PLAAT5: variants seen among roughly 807,000 people sequenced by gnomAD.
PLAAT5 encodes Ca(2+)-independent N-acyltransferase.
A neutral mutation model predicts 27.8 loss-of-function variants in PLAAT5; 27 were observed. The observed-to-expected ratio is 0.97, with a 90% CI of 0.72 to 1.34. PLAAT5 has a LOEUF of 1.34. PLAAT5 is among the 40% of genes most tolerant of loss of function. PLAAT5 has a pLI of 0.00. For missense variants in PLAAT5, 368 were observed against 343.8 expected, an observed-to-expected ratio of 1.07 and a Z score of -0.56; for synonymous variants, 125 against 136.1, an observed-to-expected ratio of 0.92 and a Z score of 0.57.
chr11:63,480,827 C>T (rs1327619772), intron 3 of PLAAT5, among the ~76,000 whole-genome samples: 2 of 152,178 alleles, frequency 1.3e-5, no homozygotes, highest in Non-Finnish European at 2.9e-5. Flanking sequence ...TGTCTGTATG[C>T]TACAGAGCCG....
chr11:63,466,056 C>G, intron 5 of PLAAT5, 54 bp downstream of exon 5: 1 of 1,568,812 alleles, frequency 6.4e-7, no homozygotes, highest in Non-Finnish European at 8.7e-7. Context: ...AATGAAATGA[C>G]AAACCCCAAG....
rs1342756277 is a variant in PLAAT5, at chr11:63,461,793, C to A, written c.*1710G>T. ...AACTCAGAACTCCTCACATCCAGCCCCCAGACTACCGCTCATGGGCTCAGG... is the reference window on the plus strand; with the variant it reads ...AACTCAGAACTCCTCACATCCAGCCACCAGACTACCGCTCATGGGCTCAGG... On this transcript the variant is annotated 3_prime_UTR_variant, in exon 6 of 6. Coordinates refer to ENST00000540857, the MANE Select transcript of PLAAT5 (RefSeq NM_001146729.2). The A allele has an allele frequency of 2.0e-5, 3 of 152,174 alleles. No homozygotes were observed. Among genetic ancestry groups the A allele is most frequent in the Non-Finnish European group, 4.4e-5 (3 of 68,046 alleles). The allele number at this position is 152,174 out of a possible 1,614,324, so 9.4% of individuals were successfully genotyped here.
At chr11:63,475,161 A>G (rs980024864) in intron 3 of PLAAT5, among the ~76,000 whole-genome samples, 1 of 151,958 alleles carries the variant, frequency 6.6e-6, no homozygotes, top group Non-Finnish European at 1.5e-5. Flanking sequence ...TGTCAGTTAG[A>G]TCATGTCAGT....
At chr11:63,484,545 C>T (rs1275183262) in intron 3 of PLAAT5, among the ~76,000 whole-genome samples, 1 of 152,006 alleles carries the variant, frequency 6.6e-6, no homozygotes, top group African/African-American at 2.4e-5. Context: ...ACAAAAATCA[C>T]ATGATTATCT....
chr11:63,479,725 ACTAT>A (rs931707150), intron 3 of PLAAT5, among the ~76,000 whole-genome samples: 1 of 152,206 alleles, frequency 6.6e-6, no homozygotes, highest in African/African-American at 2.4e-5. Flanking sequence ...AAGGACCATT[ACTAT>A]CTAAGTCCTG....
At chr11:63,488,693 C>G (rs2120351122) in intron 3 of PLAAT5, among the ~76,000 whole-genome samples, 178 bp downstream of exon 3, 1 of 149,500 alleles carries the variant, frequency 6.7e-6, no homozygotes, top group Admixed American at 6.6e-5. Context: ...TTTTTTTAAG[C>G]TCAACAGCTA....
intron 3 of PLAAT5, among the ~76,000 whole-genome samples, chr11:63,485,922 T>G (rs147619488): frequency 6.6e-6 from 1 of 151,466 alleles, no homozygotes; most frequent in East Asian, 1.9e-4. Flanking sequence ...ATCAAGCAAA[T>G]AAATCAGCAA....
chr11:63,466,630 G>T (rs1422143783), intron 4 of PLAAT5, among the ~76,000 whole-genome samples: 1 of 152,168 alleles, frequency 6.6e-6, no homozygotes, highest in Non-Finnish European at 1.5e-5. Flanking sequence ...ACCTTCCCAT[G>T]TGGTCCCAGA....
In PLAAT5 at chr11:63,491,126, C is replaced by G. The variant is rs551088577; in HGVS notation, c.-92G>C. ...CGGCGCGGCCCCTGGTCGGCGGAGCCGCGGAAGCTTGGGCACTGGGGGCGG... is the reference window on the plus strand; with the variant it reads ...CGGCGCGGCCCCTGGTCGGCGGAGCGGCGGAAGCTTGGGCACTGGGGGCGG... On this transcript the variant is annotated 5_prime_UTR_variant, in exon 1 of 6. Transcript: ENST00000540857. 8 of 1,184,246 alleles carry G rather than the reference C, an allele frequency of 6.8e-6. No homozygotes were observed. The Admixed American group carries it at 3.2e-4, about 47-fold the overall frequency. The allele number at this position is 1,184,246 out of a possible 1,614,324, so 73.4% of individuals were successfully genotyped here.
chr11:63,476,357 ACC>A, intron 3 of PLAAT5, among the ~76,000 whole-genome samples: 1 of 152,180 alleles, frequency 6.6e-6, no homozygotes, highest in Admixed American at 6.5e-5. Context: ...CTTTCTTTCC[ACC>A]CAAAGAATTT....
At chr11:63,467,924 C>T (rs1481014704) in intron 4 of PLAAT5, among the ~76,000 whole-genome samples, 2 of 152,298 alleles carry the variant, frequency 1.3e-5, no homozygotes, top group South Asian at 4.1e-4. Context: ...AAGGTGAGGA[C>T]GAAGGTGCCA....
At chr11:63,472,949 C>CAA (rs746217655) in intron 3 of PLAAT5, among the ~76,000 whole-genome samples, 4 of 140,972 alleles carry the variant, frequency 2.8e-5, no homozygotes, top group African/African-American at 7.8e-5. Context: ...ATTAAAAATA[C>CAA]AAAAAAAAAA....
chr11:63,489,499 A>T (rs1226599564), intron 2 of PLAAT5, among the ~76,000 whole-genome samples: 1 of 152,258 alleles, frequency 6.6e-6, no homozygotes, highest in Non-Finnish European at 1.5e-5. Context: ...GACAGAAATG[A>T]AAGGCAAGAA....
rs2120182321 is a variant in PLAAT5, at chr11:63,461,574, A to C, written c.*1929T>G. 1 of 152,346 alleles carries C rather than the reference A, an allele frequency of 6.6e-6. No homozygotes were observed. The highest frequency in any genetic ancestry group is 2.1e-4 in the South Asian group (1 of 4,820). 9.4% of individuals were successfully genotyped at this position (152,346 alleles called of 1,614,324 possible). A position where few individuals can be genotyped will look rare whatever the true frequency, so the allele number is the denominator to read the frequency against. On this transcript the variant is annotated 3_prime_UTR_variant, in exon 6 of 6. Coordinates refer to ENST00000540857, the MANE Select transcript of PLAAT5 (RefSeq NM_001146729.2). ...AAAAAGAGATTTCTGTTTCTACCTC[A>C]AAATGCAGAAACCATTACAGATTAA...
chr11:63,475,906 C>G (rs2016141844), intron 3 of PLAAT5, among the ~76,000 whole-genome samples: 1 of 151,972 alleles, frequency 6.6e-6, no homozygotes, highest in African/African-American at 2.4e-5. Flanking sequence ...CTTCTTCCCT[C>G]CTTTATGTTA....
At chr11:63,470,956 C>T (rs937701804) in intron 3 of PLAAT5, 1 of 152,088 alleles carries the variant, frequency 6.6e-6, no homozygotes, top group African/African-American at 2.4e-5. Context: ...ACTTGTATTA[C>T]AAACCTTATT....
chr11:63,487,425 C>T (rs189308469), intron 3 of PLAAT5, among the ~76,000 whole-genome samples: 45 of 152,214 alleles, frequency 3.0e-4, no homozygotes, highest in Non-Finnish European at 6.5e-4. Context: ...AAGATTTTGA[C>T]CATGCCAAAT....
At chr11:63,464,067 C>T (rs1383190331) in intron 5 of PLAAT5, among the ~76,000 whole-genome samples, 2 of 152,172 alleles carry the variant, frequency 1.3e-5, no homozygotes, top group Non-Finnish European at 2.9e-5. Context: ...TCTTCATGTG[C>T]AAATTCTCAC....
In PLAAT5 at chr11:63,466,483, T is replaced by A. The variant is rs1430795600; in HGVS notation, c.455-111A>T. The A allele has an allele frequency of 6.5e-6, 7 of 1,072,704 alleles. No individual in the cohort carries two copies. The East Asian group carries it at 1.8e-4, about 28-fold the overall frequency. 66.4% of individuals were successfully genotyped at this position (1,072,704 alleles called of 1,614,324 possible). ...CCTGGAGTCTCATTGGCACCATCAG[T>A]AGAAGGGTGGCAGAAGAGGGGAAGT... On this transcript the variant is annotated intron_variant, in intron 4 of 5. Coordinates refer to ENST00000540857, the MANE Select transcript of PLAAT5 (RefSeq NM_001146729.2).
Sources: gnomAD v4.1 joint callset for allele counts (sites outside exome capture counted in the v4.1 genomes callset) on GRCh38, gnomAD v4.1.1 for gene constraint, MANE v1.5 for transcripts, NCBI Gene and HGNC (gene_info 2026-07-23, HGNC 2026-07-21) for gene names.